FRMD3: variants seen among roughly 807,000 people sequenced by gnomAD.
FRMD3 encodes the protein FERM domain containing 3.
Under a neutral mutation model 70.2 loss-of-function variants are expected in FRMD3, and 33 were observed. That is an observed-to-expected ratio of 0.47 (90% CI 0.36 to 0.63). The LOEUF is 0.63. Among genes scored for constraint, FRMD3 ranks in the 20% least tolerant of loss-of-function variants. The probability of loss-of-function intolerance (pLI) is 0.00; values close to 1 mark genes in which losing one functional copy is unlikely to be tolerated. For missense variants in FRMD3, 632 were observed against 711.4 expected, an observed-to-expected ratio of 0.89 and a Z score of 1.27; for synonymous variants, 279 against 255.9, an observed-to-expected ratio of 1.09 and a Z score of -0.86.
At position 83,247,818 on chromosome 9, in the gene FRMD3, C is replaced by CACCT; in HGVS notation, c.*96_*99dup. The CACCT allele has an allele frequency of 1.3e-6, 2 of 1,515,644 alleles. No homozygotes were observed. The highest frequency in any genetic ancestry group is 4.5e-5 in the East Asian group (2 of 44,038). 93.9% of individuals were successfully genotyped at this position (1,515,644 alleles called of 1,614,324 possible). On this transcript the variant is annotated 3_prime_UTR_variant, in exon 14 of 14. Transcript: ENST00000304195. Reference sequence around the variant, plus strand: ...TGAATAATCAATTATGAGTAAGGAACACCTGTTGACAGCCCCGTGACCCTT... The same window carrying CACCT: ...TGAATAATCAATTATGAGTAAGGAACACCTACCTGTTGACAGCCCCGTGACCCTT...
intron 3 of FRMD3, among the ~76,000 whole-genome samples, chr9:83,370,296 CA>C (rs1340875011): frequency 6.6e-6 from 1 of 152,170 alleles, no homozygotes; most frequent in East Asian, 1.9e-4. Context: ...TTCTAATTTA[CA>C]GTAAAGTTAA....
chr9:83,518,242 A>T (rs1298186382), intron 1 of FRMD3, among the ~76,000 whole-genome samples: 1 of 152,184 alleles, frequency 6.6e-6, no homozygotes, highest in African/African-American at 2.4e-5. Context: ...AGAAAACCCC[A>T]TCATCTCAGC....
rs1229822745 is a variant in FRMD3, at chr9:83,442,715, T to A, written c.148-53007A>T. ...AGACCACCTCTTGGGGTAATAGTAA[T>A]CACAGCGTGCAGGGTGAAACAGCAG... On this transcript the variant is annotated intron_variant, in intron 1 of 13. Coordinates refer to ENST00000304195, the MANE Select transcript of FRMD3 (RefSeq NM_174938.6). Among the ~76,000 whole-genome samples, 5 of 151,288 alleles carry A rather than the reference T, an allele frequency of 3.3e-5. No individual in the cohort carries two copies. The East Asian group carries it at 9.8e-4, about 30-fold the overall frequency.
chr9:83,343,075 TG>T, intron 5 of FRMD3, 114 bp downstream of exon 5: 1 of 760,390 alleles, frequency 1.3e-6, no homozygotes, highest in Non-Finnish European at 2.4e-6. Context: ...CAGCCCTACA[TG>T]GTCTCCAGCC....
rs1000487419 is a variant in FRMD3 at position 83,310,609 on chromosome 9, G to A, written c.774-61C>T. The stretch of plus-strand genomic sequence containing the variant: ...AGTGGCAGCTAACCAAGGTACCTGG[G>A]TTTCCCATAGGAATCTGACTCAAAA... On this transcript the variant is annotated intron_variant, in intron 8 of 13. Coordinates refer to ENST00000304195, the MANE Select transcript of FRMD3 (RefSeq NM_174938.6). The A allele has an allele frequency of 1.4e-5, 18 of 1,312,750 alleles. No individual in the cohort carries two copies. In the East Asian group the frequency reaches 4.0e-4, roughly 29 times the overall value. 81.3% of individuals were successfully genotyped at this position (1,312,750 alleles called of 1,614,324 possible).
the FRMD3 span, among the ~76,000 whole-genome samples, chr9:83,555,825 G>A: frequency 6.6e-6 from 1 of 152,204 alleles, no homozygotes; most frequent in Non-Finnish European, 1.5e-5. Context: ...TCAGACTGAG[G>A]ACTGAAGGCC....
chr9:83,471,460 G>C (rs1232868169), intron 1 of FRMD3, among the ~76,000 whole-genome samples: 1 of 152,126 alleles, frequency 6.6e-6, no homozygotes, highest in Non-Finnish European at 1.5e-5. Flanking sequence ...CATTCACAAG[G>C]GAAGGGCATG....
chr9:83,405,782 G>A (rs572323706), intron 1 of FRMD3, among the ~76,000 whole-genome samples: 1 of 151,384 alleles, frequency 6.6e-6, no homozygotes, highest in African/African-American at 2.4e-5. Flanking sequence ...AAGAAAGAAA[G>A]TGTCCATCAT....
At chr9:83,416,745 G>GTCTCTCTC (rs1184226415) in intron 1 of FRMD3, among the ~76,000 whole-genome samples, 7,208 of 102,084 alleles carry the variant, frequency 0.071, 841 homozygotes, top group East Asian at 0.11. Context: ...ATTTCTCTCT[G>GTCTCTCTC]TCTCTCTCTC....
At chr9:83,455,395 G>A (rs970123814) in intron 1 of FRMD3, among the ~76,000 whole-genome samples, 1 of 152,144 alleles carries the variant, frequency 6.6e-6, no homozygotes, top group Non-Finnish European at 1.5e-5. Flanking sequence ...TTGAATCATG[G>A]GGGCTGGTCT....
intron 13 of FRMD3, chr9:83,281,446 ATGACTAGACTAC>A (rs1833968455): frequency 6.6e-6 from 1 of 152,170 alleles, no homozygotes; most frequent in South Asian, 2.1e-4. Flanking sequence ...CCTCAAGGAC[ATGACTAGACTAC>A]TTCCTAGGAC....
chr9:83,359,927 A>C (rs1824530168), intron 3 of FRMD3, among the ~76,000 whole-genome samples: 1 of 152,216 alleles, frequency 6.6e-6, no homozygotes, highest in African/African-American at 2.4e-5. Flanking sequence ...TTGTTACTCT[A>C]AAGTGCAGGG....
At chr9:83,580,468 G>A in the FRMD3 span, among the ~76,000 whole-genome samples, 1 of 152,090 alleles carries the variant, frequency 6.6e-6, no homozygotes, top group African/African-American at 2.4e-5. Context: ...GAAACAACAT[G>A]GATAAATCTG....
chr9:83,464,749 T>C (rs963445580), intron 1 of FRMD3, among the ~76,000 whole-genome samples: 11 of 152,146 alleles, frequency 7.2e-5, no homozygotes, highest in Admixed American at 7.2e-4. Context: ...CCAGGCACAG[T>C]GGCTTGCACA....
intron 1 of FRMD3, among the ~76,000 whole-genome samples, chr9:83,426,035 G>T (rs1206783461): frequency 6.6e-6 from 1 of 152,018 alleles, no homozygotes; most frequent in Non-Finnish European, 1.5e-5. Flanking sequence ...TCACAAGCGT[G>T]AGCAAACCAT....
intron 1 of FRMD3, among the ~76,000 whole-genome samples, chr9:83,415,536 G>A (rs1826409071): frequency 6.8e-6 from 1 of 147,990 alleles, no homozygotes; most frequent in South Asian, 2.1e-4. Flanking sequence ...TCCACCTCCT[G>A]GGTTCACACC....
rs80079457 is a variant in FRMD3 at position 83,269,983 on chromosome 9, C to T, written c.1195+20620G>A. 1.1e-3 allele frequency among the ~76,000 whole-genome samples: 173 copies of T among 152,250 alleles called. 1 individual carries two copies. The East Asian group carries it at 0.032, about 28-fold the overall frequency. ...AGCCATTTCTCTCTACCTTGTCTGA[C>T]TCTGCCCACAGGGGTGTCTACCTTT... On this transcript the variant is annotated intron_variant, in intron 13 of 13. Transcript: ENST00000304195.
At chr9:83,316,154 TTTTTTTC>T (rs1345424592) in intron 6 of FRMD3, among the ~76,000 whole-genome samples, 9 of 130,706 alleles carry the variant, frequency 6.9e-5, no homozygotes, top group African/African-American at 2.5e-4. Flanking sequence ...TTCTCTTTTT[TTTTTTTC>T]TTTTTTTTTT....
At chr9:83,430,870 G>T (rs1826955796) in intron 1 of FRMD3, among the ~76,000 whole-genome samples, 1 of 152,228 alleles carries the variant, frequency 6.6e-6, no homozygotes, top group African/African-American at 2.4e-5. Context: ...ACAAACAGCT[G>T]TCCCTGTGGC....
Sources: gnomAD v4.1 joint callset for allele counts (sites outside exome capture counted in the v4.1 genomes callset) on GRCh38, gnomAD v4.1.1 for gene constraint, MANE v1.5 for transcripts, NCBI Gene and HGNC (gene_info 2026-07-23, HGNC 2026-07-21) for gene names.